KAT6B: variants seen among roughly 807,000 people sequenced by gnomAD.
KAT6B encodes the protein lysine acetyltransferase 6B.
A neutral mutation model predicts 187.5 loss-of-function variants in KAT6B; 10 were observed. The observed-to-expected ratio is 0.05, with a 90% CI of 0.03 to 0.09. The LOEUF (loss-of-function observed/expected upper bound fraction) is 0.09. KAT6B is among the 10% of genes least tolerant of loss of function. The pLI is 1.00. For synonymous variants in KAT6B, 861 were observed against 926.8 expected (o/e 0.93, Z 1.29); for missense variants, 1,952 against 2,558.9 (o/e 0.76, Z 5.12).
At chr10:74,876,369 T>A (rs1844418160) in intron 3 of KAT6B, among the ~76,000 whole-genome samples, 1 of 152,184 alleles carries the variant, frequency 6.6e-6, no homozygotes, top group Non-Finnish European at 1.5e-5. Context: ...CTCACAAAGA[T>A]TTGTTTCAGA....
intron 17 of KAT6B, among the ~76,000 whole-genome samples, chr10:75,028,199 T>A (rs1046665079): frequency 2.6e-5 from 4 of 152,176 alleles, no homozygotes; most frequent in Non-Finnish European, 5.9e-5. Flanking sequence ...TGTGGAACTC[T>A]GGGCTTTTGC....
At position 75,000,630 on chromosome 10, in the gene KAT6B, CAGTTA is replaced by C. The variant is rs549529843; in HGVS notation, c.2629+11525_2629+11529del. Among the ~76,000 whole-genome samples the C allele has an allele frequency of 6.4e-3, 981 of 152,194 alleles. 12 individuals carry two copies. The highest frequency in any genetic ancestry group is 0.023 in the African/African-American group (934 of 41,496). ...TAATATTAATTAATGGCAAGTTCGT[CAGTTA>C]AGTTAAATATCAGTTAATTGTACAT... is the stretch of plus-strand genomic sequence containing the variant. On this transcript the variant is annotated intron_variant, in intron 13 of 17. Coordinates refer to ENST00000287239, the MANE Select transcript of KAT6B (RefSeq NM_012330.4).
chr10:75,004,055 GT>G (rs545654039), intron 13 of KAT6B, among the ~76,000 whole-genome samples: 53 of 142,430 alleles, frequency 3.7e-4, no homozygotes, highest in East Asian at 6.1e-4. Context: ...CAGGTGGTTG[GT>G]TTTTTTTTTT....
At chr10:74,965,237 A>C (rs1293570843) in intron 4 of KAT6B, among the ~76,000 whole-genome samples, 1 of 152,146 alleles carries the variant, frequency 6.6e-6, no homozygotes, top group African/African-American at 2.4e-5. Flanking sequence ...CCCTCTGTTC[A>C]TGCCATCTTC....
At chr10:75,002,611 C>G (rs1322390506) in intron 13 of KAT6B, among the ~76,000 whole-genome samples, 2 of 152,174 alleles carry the variant, frequency 1.3e-5, no homozygotes, top group East Asian at 3.8e-4. Flanking sequence ...CTGATTGCTC[C>G]TAGGTGACCA....
chr10:74,972,700 T>C, intron 7 of KAT6B, 61 bp downstream of exon 7: 2 of 1,458,008 alleles, frequency 1.4e-6, no homozygotes, highest in Non-Finnish European at 1.9e-6. Context: ...TAGGTGATTG[T>C]TATTCTCTCA....
At chr10:74,933,380 A>T (rs1055884134) in intron 3 of KAT6B, among the ~76,000 whole-genome samples, 1 of 152,180 alleles carries the variant, frequency 6.6e-6, no homozygotes, top group African/African-American at 2.4e-5. Context: ...GTTCGAAGAG[A>T]TGTAGGTCAC....
intron 3 of KAT6B, among the ~76,000 whole-genome samples, chr10:74,850,659 A>G (rs2132161287): frequency 6.6e-6 from 1 of 152,344 alleles, no homozygotes; most frequent in East Asian, 1.9e-4. Flanking sequence ...CTCCTAAAGG[A>G]TAGTATTAAT....
chr10:75,025,508 C>A (rs763128412), intron 17 of KAT6B: 55 of 422,084 alleles, frequency 1.3e-4, no homozygotes, highest in Non-Finnish European at 1.8e-4. Flanking sequence ...ATTGGCTTAT[C>A]CCCAAAAACT....
At chr10:74,825,332 G>A (rs1012617692), upstream of KAT6B, among the ~76,000 whole-genome samples, 2 of 151,790 alleles carry the variant, frequency 1.3e-5, no homozygotes, top group Admixed American at 6.6e-5. This position sits in a 1 kb window ranked among gnomAD's most constrained non-coding sequence, Gnocchi z 5.0. Context: ...CCCGAGGGCG[G>A]CGAGAGGAGC....
At chr10:74,833,091 C>A (rs1039835990) in intron 1 of KAT6B, among the ~76,000 whole-genome samples, 1 of 146,112 alleles carries the variant, frequency 6.8e-6, no homozygotes, top group East Asian at 2.0e-4. Flanking sequence ...GCCGAGATCA[C>A]GCCATTGCAC....
chr10:74,974,043 T>C (rs2133703626), intron 7 of KAT6B, among the ~76,000 whole-genome samples: 1 of 152,348 alleles, frequency 6.6e-6, no homozygotes, highest in South Asian at 2.1e-4. Context: ...TATAAGCATA[T>C]TATCCTTTCT....
intron 3 of KAT6B, among the ~76,000 whole-genome samples, chr10:74,931,813 C>T (rs985201059): frequency 5.3e-5 from 8 of 152,174 alleles, no homozygotes; most frequent in Non-Finnish European, 1.0e-4. Flanking sequence ...TGGGTTCAAG[C>T]GATTCTTCTA....
chr10:74,911,013 G>A (rs1340607485), intron 3 of KAT6B, among the ~76,000 whole-genome samples: 1 of 152,004 alleles, frequency 6.6e-6, no homozygotes, highest in East Asian at 1.9e-4. Flanking sequence ...TTTTGAGATT[G>A]AGTATTTTGT....
chr10:75,000,980 T>A (rs1843792207), intron 13 of KAT6B, among the ~76,000 whole-genome samples: 1 of 152,174 alleles, frequency 6.6e-6, no homozygotes, highest in Non-Finnish European at 1.5e-5. Flanking sequence ...GTTATGAATT[T>A]GGCTCTTGTC....
intron 4 of KAT6B, 92 bp from the exon 5 acceptor site, chr10:74,969,568 C>G (rs538338184): frequency 1.3e-6 from 1 of 754,552 alleles, no homozygotes; most frequent in Non-Finnish European, 2.4e-6. Flanking sequence ...ATTGGCTAGC[C>G]TCATCAGCTA....
At chr10:74,856,287 A>G (rs1449403554) in intron 3 of KAT6B, among the ~76,000 whole-genome samples, 1 of 152,058 alleles carries the variant, frequency 6.6e-6, no homozygotes, top group South Asian at 2.1e-4. Context: ...GGGTTTCGCC[A>G]GGTTGGCCAG....
intron 3 of KAT6B, among the ~76,000 whole-genome samples, chr10:74,946,716 G>A (rs1839973450): frequency 6.6e-6 from 1 of 152,188 alleles, no homozygotes; most frequent in Admixed American, 6.5e-5. Flanking sequence ...ATTTGTGATT[G>A]CTTAGGAAGG....
At chr10:74,850,327 G>A (rs550843434) in intron 3 of KAT6B, among the ~76,000 whole-genome samples, 3 of 152,316 alleles carry the variant, frequency 2.0e-5, no homozygotes, top group Non-Finnish European at 4.4e-5. Context: ...AGTTTTTAAA[G>A]TAGATACTAT....
Sources: allele counts gnomAD v4.1 joint callset (sites outside exome capture counted in the v4.1 genomes callset), GRCh38; gene constraint gnomAD v4.1.1; non-coding constraint Gnocchi (gnomAD v3.1); transcripts MANE v1.5; gene names NCBI Gene and HGNC (gene_info 2026-07-23, HGNC 2026-07-21).